The following RAG2 variants were observed in gnomAD, a reference collection of about 807,000 sequenced individuals.
RAG2 encodes the protein V(D)J recombination-activating protein 2.
A neutral mutation model predicts 31.8 loss-of-function variants in RAG2; 16 were observed. That is an observed-to-expected ratio of 0.50 (90% CI 0.34 to 0.76). RAG2 has a LOEUF of 0.76. Ranked by LOEUF, RAG2 falls within the 30% of genes least tolerant of loss-of-function variation. RAG2 has a pLI of 0.01. For synonymous variants in RAG2, 199 were observed against 215.9 expected (o/e 0.92, Z 0.68); for missense variants, 622 against 628.5 (o/e 0.99, Z 0.11).
At chr11:36,591,498 C>T (rs1480563007), downstream of RAG2, among the ~76,000 whole-genome samples, 1 of 151,808 alleles carries the variant, frequency 6.6e-6, no homozygotes, top group Non-Finnish European at 1.5e-5. Flanking sequence ...TTAAAATTAA[C>T]AGTCATTTTA....
At chr11:36,591,720 A>G (rs1321066231), downstream of RAG2, among the ~76,000 whole-genome samples, 7 of 152,066 alleles carry the variant, frequency 4.6e-5, no homozygotes. Context: ...AAATAATATT[A>G]TTCTTCTCCA....
At chr11:36,594,883 C>T (rs1851144443) in intron 1 of RAG2, 1 of 152,226 alleles carries the variant, frequency 6.6e-6, no homozygotes, top group Admixed American at 6.5e-5. Flanking sequence ...CTTAGGAGCG[C>T]GACTCAAAAC....
In RAG2 at chr11:36,592,494, T is replaced by C; in HGVS notation, c.*91A>G. The C allele has an allele frequency of 6.8e-7, 1 of 1,475,224 alleles. No individual in the cohort carries two copies. Among genetic ancestry groups the C allele is most frequent in the East Asian group, 2.5e-5 (1 of 40,674 alleles). The allele number at this position is 1,475,224 out of a possible 1,614,324, so 91.4% of individuals were successfully genotyped here. ...TAAAAGAAAACATAGGCATTTTAAA[T>C]AAACAAAAATGTATTTTTAAAATCA... On this transcript the variant is annotated 3_prime_UTR_variant, in exon 2 of 2. Coordinates refer to ENST00000311485, the MANE Select transcript of RAG2 (RefSeq NM_000536.4).
chr11:36,596,888 T>G (rs1851287834), intron 1 of RAG2, among the ~76,000 whole-genome samples: 1 of 152,214 alleles, frequency 6.6e-6, no homozygotes, highest in South Asian at 2.1e-4. Flanking sequence ...CACAGAAACA[T>G]TTTCTTGGGC....
chr11:36,593,452 A>T lies in RAG2; in HGVS notation c.717T>A (p.Asp239Glu). Residue 239 changes from aspartate (D) to glutamate (E), a missense_variant, in exon 2 of 2, where the codon GAT (aspartate) becomes GAA (glutamate). By Grantham distance (45) the Asp-to-Glu change is conservative. Coordinates refer to ENST00000311485, the MANE Select transcript of RAG2 (RefSeq NM_000536.4). ...RPANLYRIRVDLPLGSPAVNC... is the reference protein window; with the variant it reads ...RPANLYRIRVELPLGSPAVNC... ...TCACAGCTGGGCTACCCAGGGGAAG[A>T]TCAACCCTTATTCTGTACAGGTTGG... 1 of 1,614,064 alleles carries T rather than the reference A, an allele frequency of 6.2e-7. No individual in the cohort carries two copies. The highest frequency in any genetic ancestry group is 8.5e-7 in the Non-Finnish European group (1 of 1,180,030).
At position 36,594,408 on chromosome 11, in the gene RAG2, T is replaced by G. The variant is rs370164311; in HGVS notation, c.-27-213A>C. ...GCTGGGACATGTTTTAGCCACGGAC[T>G]ATATGCTCCCTAGGATTTCTGGGAA... On this transcript the variant is annotated intron_variant, in intron 1 of 1. Transcript: ENST00000311485. 6 of 564,982 alleles carry G rather than the reference T, an allele frequency of 1.1e-5. 1 individual carries two copies. In the South Asian group the frequency reaches 1.3e-4, roughly 12 times the overall value. The allele number at this position is 564,982 out of a possible 1,614,324, so 35.0% of individuals were successfully genotyped here. A position where few individuals can be genotyped will look rare whatever the true frequency, so the allele number is the denominator to read the frequency against.
Position 36,593,520 on chromosome 11 carries a change from A to G in RAG2, c.649T>C (p.Tyr217His). 1 of 1,614,182 alleles carries G rather than the reference A, an allele frequency of 6.2e-7. No homozygotes were observed. Among genetic ancestry groups the G allele is most frequent in the Non-Finnish European group, 8.5e-7 (1 of 1,180,034 alleles). The change falls in exon 2 of 2, where the codon TAT becomes CAT. Residue 217 changes from tyrosine to histidine, a missense_variant. Physicochemically the swap from Tyr to His is moderately conservative, Grantham distance 83 (BLOSUM62 2). Transcript: ENST00000311485. ...GCAAGTGAATGTCCTCCTAAAATAT[A>G]GATGGTGTCATTTTTGGCAATAGAG... ...HVSIAKNDTI[Y>H]ILGGHSLANN...
intron 1 of RAG2, among the ~76,000 whole-genome samples, chr11:36,596,559 A>G (rs2133330979): frequency 6.6e-6 from 1 of 152,314 alleles, no homozygotes; most frequent in Non-Finnish European, 1.5e-5. Flanking sequence ...ATTCATAGAA[A>G]CTAAAAGGAG....
At position 36,593,139 on chromosome 11, in the gene RAG2, A is replaced by C. The variant is rs777991833; in HGVS notation, c.1030T>G (p.Tyr344Asp). 1 of 1,614,194 alleles carries C rather than the reference A, an allele frequency of 6.2e-7. No homozygotes were observed. The highest frequency in any genetic ancestry group is 1.3e-5 in the African/African-American group (1 of 75,048). Reference sequence around the variant, plus strand: ...TCAGCACATTTCAACATATAGAAATAGAATCCTTCTGAAACAACTTGTTTA... The same window carrying C: ...TCAGCACATTTCAACATATAGAAATCGAATCCTTCTGAAACAACTTGTTTA... ...DNKQVVSEGF[Y>D]FYMLKCAEDD... is the part of the protein sequence containing the mutation. The change falls in exon 2 of 2, where the codon TAT becomes GAT. Residue 344 changes from tyrosine to aspartate, a missense_variant. Transcript: ENST00000311485.
In RAG2 at chr11:36,595,945, A is replaced by G. The variant is rs117211111; in HGVS notation, c.-27-1750T>C. ...AAACATATATGATGAGGGTGCTGGT[A>G]GTAGTTAATTTATTAACAGAAGATA... On this transcript the variant is annotated intron_variant, in intron 1 of 1. Coordinates refer to ENST00000311485, the MANE Select transcript of RAG2 (RefSeq NM_000536.4). 5.6e-4 allele frequency among the ~76,000 whole-genome samples: 85 copies of G among 152,344 alleles called. 1 individual carries two copies. In the East Asian group the frequency reaches 0.016, roughly 29 times the overall value.
rs1243664769 is a variant in RAG2, at chr11:36,596,211, G to GTTTTTTTTTT, written c.-28+1881_-28+1890dup. Among the ~76,000 whole-genome samples the GTTTTTTTTTT allele has an allele frequency of 2.0e-4, 20 of 101,150 alleles. 2 individuals are homozygous for GTTTTTTTTTT. The highest frequency in any genetic ancestry group is 5.3e-4 in the African/African-American group (13 of 24,308). 66.4% of individuals were successfully genotyped at this position (101,150 alleles called of 152,430 possible). A position where few individuals can be genotyped will look rare whatever the true frequency, so the allele number is the denominator to read the frequency against. Reference sequence around the variant, plus strand: ...CTGGTCACTCTAATGAGATGGTAGTGTTTTTTTTTTGTTTTTTTTTTTTTT... The same window carrying GTTTTTTTTTT: ...CTGGTCACTCTAATGAGATGGTAGTGTTTTTTTTTTTTTTTTTTTTGTTTTTTTTTTTTTT... On this transcript the variant is annotated intron_variant, in intron 1 of 1. Coordinates refer to ENST00000311485, the MANE Select transcript of RAG2 (RefSeq NM_000536.4).
Position 36,593,962 on chromosome 11 carries a change from G to T in RAG2, c.207C>A (p.Leu69=). 6.2e-7 allele frequency: 1 copy of T among 1,614,200 alleles called. No individual in the cohort carries two copies. Among genetic ancestry groups the T allele is most frequent in the Non-Finnish European group, 8.5e-7 (1 of 1,180,030 alleles). Reference sequence around the variant, plus strand: ...AAGTGGCTGGGTAGCGAAGAGGAGGGAGGTAGCAGGAATCCTTAGAGAAAA... The same window carrying T: ...AAGTGGCTGGGTAGCGAAGAGGAGGTAGGTAGCAGGAATCCTTAGAGAAAA... The part of the protein sequence containing the change: ...PTIFSKDSCY[L]PPLRYPATCT... Residue 69 remains leucine, a synonymous_variant, in exon 2 of 2, where the codon CTC becomes CTA. Transcript: ENST00000311485.
At chr11:36,598,010 A>G (rs1003119954) in intron 1 of RAG2, 92 bp downstream of exon 1, 3 of 152,088 alleles carry the variant, frequency 2.0e-5, no homozygotes, top group African/African-American at 4.8e-5. Flanking sequence ...TGACTAACAC[A>G]CTGCCAAAAT....
chr11:36,592,792 C>A lies in RAG2; in HGVS notation c.1377G>T (p.Met459Ile). 1 of 1,614,096 alleles carries A rather than the reference C, an allele frequency of 6.2e-7. No homozygotes were observed. The highest frequency in any genetic ancestry group is 1.3e-5 in the African/African-American group (1 of 75,026). The change falls in exon 2 of 2, where the codon ATG (methionine) becomes ATT (isoleucine). Residue 459 changes from methionine (M) to isoleucine (I), a missense_variant. Coordinates refer to ENST00000311485, the MANE Select transcript of RAG2 (RefSeq NM_000536.4). ...GGATGAGTGTGCGTTCTGCCAGATC[C>A]ATGCACTGAGCATGGACCCAGTGCC... Reference protein sequence around the residue: ...GDGHWVHAQCMDLAERTLIHL... With the variant: ...GDGHWVHAQCIDLAERTLIHL...
chr11:36,596,211 G>GTTTTT (rs1243664769), intron 1 of RAG2, among the ~76,000 whole-genome samples: 145 of 101,056 alleles, frequency 1.4e-3, no homozygotes, highest in African/African-American at 2.9e-3. Flanking sequence ...AGATGGTAGT[G>GTTTTT]TTTTTTTTTT....
At position 36,592,794 on chromosome 11, in the gene RAG2, T is replaced by G. The variant is rs1204766339; in HGVS notation, c.1375A>C (p.Met459Leu). The G allele has an allele frequency of 3.1e-6, 5 of 1,614,160 alleles. No individual in the cohort carries two copies. The highest frequency in any genetic ancestry group is 4.2e-6 in the Non-Finnish European group (5 of 1,180,034). ...GDGHWVHAQCMDLAERTLIHL... is the reference protein window; with the variant it reads ...GDGHWVHAQCLDLAERTLIHL... ...ATGAGTGTGCGTTCTGCCAGATCCA[T>G]GCACTGAGCATGGACCCAGTGCCCA... Residue 459 changes from methionine (M) to leucine (L), a missense_variant, in exon 2 of 2, where the codon ATG becomes CTG. Physicochemically the swap from Met to Leu is conservative, Grantham distance 15. Coordinates refer to ENST00000311485, the MANE Select transcript of RAG2 (RefSeq NM_000536.4).
At chr11:36,595,249 G>C (rs1851168603) in intron 1 of RAG2, 1 of 152,000 alleles carries the variant, frequency 6.6e-6, no homozygotes, top group Middle Eastern at 3.2e-3. Context: ...AAGAACTTTT[G>C]GGTAATTCTT....
At chr11:36,597,700 T>C (rs1851328879) in intron 1 of RAG2, 1 of 152,252 alleles carries the variant, frequency 6.6e-6, no homozygotes, top group Non-Finnish European at 1.5e-5. Context: ...CCATGTTTTC[T>C]TGATTGCTCC....
chr11:36,596,229 T>G lies in RAG2; in HGVS notation c.-28+1873A>C, dbSNP rs576251203. 1.5e-4 allele frequency among the ~76,000 whole-genome samples: 23 copies of G among 150,948 alleles called. 1 individual carries two copies. The highest frequency in any genetic ancestry group is 6.3e-4 in the South Asian group (3 of 4,748). Reference sequence around the variant, plus strand: ...TGGTAGTGTTTTTTTTTTGTTTTTTTTTTTTTTTGCTTTAAAGAACTTCTG... The same window carrying G: ...TGGTAGTGTTTTTTTTTTGTTTTTTGTTTTTTTTGCTTTAAAGAACTTCTG... On this transcript the variant is annotated intron_variant, in intron 1 of 1. Transcript: ENST00000311485.
Sources: allele counts gnomAD v4.1 joint callset (sites outside exome capture counted in the v4.1 genomes callset), GRCh38; gene constraint gnomAD v4.1.1; transcripts MANE v1.5; gene names NCBI Gene and HGNC (gene_info 2026-07-23, HGNC 2026-07-21).